CFAP44: variants seen among roughly 807,000 people sequenced by gnomAD.
The protein encoded by CFAP44 is cilia- and flagella-associated protein 44.
CFAP44 carries 134 observed loss-of-function variants against 216.2 expected under a neutral mutation model. The ratio of observed to expected loss-of-function variants is 0.62; its 90% CI spans 0.54 to 0.72. CFAP44 has a LOEUF of 0.72. Among genes scored for constraint, CFAP44 ranks in the 30% least tolerant of loss-of-function variants. The probability of loss-of-function intolerance (pLI) is 0.00; values close to 1 mark genes in which losing one functional copy is unlikely to be tolerated. For missense variants in CFAP44, 2,035 were observed against 2,182.1 expected, an observed-to-expected ratio of 0.93 and a Z score of 1.34; for synonymous variants, 700 against 727.6, an observed-to-expected ratio of 0.96 and a Z score of 0.61.
At position 113,416,607 on chromosome 3, in the gene CFAP44, A is replaced by G. The variant is rs1217869981; in HGVS notation, c.591T>C (p.Tyr197=). The G allele has an allele frequency of 5.0e-6, 8 of 1,610,866 alleles. No individual in the cohort carries two copies. The highest frequency in any genetic ancestry group is 2.2e-5 in the South Asian group (2 of 90,736). Residue 197 remains tyrosine (Y), a synonymous_variant, in exon 6 of 35, where the codon TAT becomes TAC. Coordinates refer to ENST00000393845, the MANE Select transcript of CFAP44 (RefSeq NM_001164496.2). ...GVIGVHPHKT[Y]FTVAEKGSFP... ...AACTCCCTTTTTCAGCTACTGTGAA[A>G]TAAGTTTTATGTGGATGAACCTACA...
At chr3:113,338,549 AT>A (rs113738948) in intron 24 of CFAP44, among the ~76,000 whole-genome samples, 64 of 150,148 alleles carry the variant, frequency 4.3e-4, no homozygotes, top group Non-Finnish European at 5.6e-4. Flanking sequence ...CTCATACCAG[AT>A]TTTTTTTTTA....
At position 113,401,698 on chromosome 3, in the gene CFAP44, A is replaced by T. The variant is rs200541138; in HGVS notation, c.1212T>A (p.Asp404Glu). 2 of 1,613,412 alleles carry T rather than the reference A, an allele frequency of 1.2e-6. No homozygotes were observed. The highest frequency in any genetic ancestry group is 1.7e-5 in the Admixed American group (1 of 59,966). ...FETIDTADVI[D>E]ETGLLEIEPI... ...GCTCAATCTCCAACAATCCAGTCTC[A>T]TCTATTACATCAGCAGTGTCTATTG... The change falls in exon 10 of 35, where the codon GAT becomes GAA. Residue 404 changes from aspartate to glutamate, a missense_variant. By Grantham distance (45) the Asp-to-Glu change is conservative (BLOSUM62 2). Transcript: ENST00000393845.
chr3:113,393,751 G>A lies in CFAP44; in HGVS notation c.1890+1999C>T, dbSNP rs145876815. ...AGCTTGTCTCAACTGCTGCACTCAAGTGATCTACTTGCCTTGGCCTCCCAA... is the reference window on the plus strand; with the variant it reads ...AGCTTGTCTCAACTGCTGCACTCAAATGATCTACTTGCCTTGGCCTCCCAA... On this transcript the variant is annotated intron_variant, in intron 15 of 34. Coordinates refer to ENST00000393845, the MANE Select transcript of CFAP44 (RefSeq NM_001164496.2). Among the ~76,000 whole-genome samples the A allele has an allele frequency of 1.1e-3, 172 of 152,282 alleles. 1 individual carries two copies. The highest frequency in any genetic ancestry group is 3.1e-3 in the African/African-American group (130 of 41,552).
At position 113,396,860 on chromosome 3, in the gene CFAP44, G is replaced by C. The variant is rs377114273; in HGVS notation, c.1570-133C>G. 2.0e-5 allele frequency: 17 copies of C among 844,542 alleles called. No individual in the cohort carries two copies. In the East Asian group the frequency reaches 2.9e-4, roughly 15 times the overall value. The allele number at this position is 844,542 out of a possible 1,614,324, so 52.3% of individuals were successfully genotyped here. On this transcript the variant is annotated intron_variant, in intron 13 of 34. Coordinates refer to ENST00000393845, the MANE Select transcript of CFAP44 (RefSeq NM_001164496.2). Reference sequence around the variant, plus strand: ...TTGGCAATTCTTTATATCACTTTCTGGTAACCTCTATCCATTCCAGCATAG... The same window carrying C: ...TTGGCAATTCTTTATATCACTTTCTCGTAACCTCTATCCATTCCAGCATAG...
chr3:113,357,688 C>T, intron 22 of CFAP44, among the ~76,000 whole-genome samples: 1 of 152,182 alleles, frequency 6.6e-6, no homozygotes, highest in Non-Finnish European at 1.5e-5. Flanking sequence ...AGCCCTAAGA[C>T]ACTAACACAG....
At chr3:113,329,213 T>C (rs543322315) in intron 26 of CFAP44, among the ~76,000 whole-genome samples, 3 of 152,324 alleles carry the variant, frequency 2.0e-5, no homozygotes, top group Non-Finnish European at 4.4e-5. Context: ...AGATGCTTAT[T>C]ACAGGTGCAA....
intron 28 of CFAP44, among the ~76,000 whole-genome samples, chr3:113,318,129 C>G (rs1950105782): frequency 6.6e-6 from 1 of 152,002 alleles, no homozygotes; most frequent in Admixed American, 6.6e-5. Context: ...CATCAAGATT[C>G]AGGAGATAGT....
rs1304027926 is a variant in CFAP44 at position 113,344,567 on chromosome 3, C to G, written c.3211G>C (p.Asp1071His). The change falls in exon 23 of 35, where the codon GAC becomes CAC. Residue 1071 changes from aspartate to histidine, a missense_variant. Around this residue, in one of 3 missense-constraint regions of CFAP44, gnomAD observed 1,883 missense variants for 2,023.7 expected, o/e 0.93. Transcript: ENST00000393845. ...CCAGGTCCCTCTTTTTCAAACCTGTCCAATTTGCTTGGTTTTCTCTCTGAT... is the reference window on the plus strand; with the variant it reads ...CCAGGTCCCTCTTTTTCAAACCTGTGCAATTTGCTTGGTTTTCTCTCTGAT... ...SQSERKPSKL[D>H]RFEKEGPGRK... The G allele has an allele frequency of 6.5e-7, 1 of 1,536,962 alleles. No homozygotes were observed. The highest frequency in any genetic ancestry group is 8.7e-7 in the Non-Finnish European group (1 of 1,146,848).
At position 113,287,332 on chromosome 3, in the gene CFAP44, C is replaced by A. The variant is rs753130819; in HGVS notation, c.*4225G>T. 6 of 293,590 alleles carry A rather than the reference C, an allele frequency of 2.0e-5. No homozygotes were observed. Among genetic ancestry groups the A allele is most frequent in the South Asian group, 6.2e-5 (2 of 32,094 alleles). The allele number at this position is 293,590 out of a possible 1,614,324, so 18.2% of individuals were successfully genotyped here. On this transcript the variant is annotated 3_prime_UTR_variant, in exon 35 of 35. Coordinates refer to ENST00000393845, the MANE Select transcript of CFAP44 (RefSeq NM_001164496.2). Reference sequence around the variant, plus strand: ...TTCCTAAGATGCCCATGAGAACAGACCAAGATGTGTACAGCACTATGAGCA... The same window carrying A: ...TTCCTAAGATGCCCATGAGAACAGAACAAGATGTGTACAGCACTATGAGCA...
intron 15 of CFAP44, among the ~76,000 whole-genome samples, chr3:113,392,740 C>G (rs1464923913): frequency 6.6e-6 from 1 of 152,102 alleles, no homozygotes; most frequent in Non-Finnish European, 1.5e-5. Context: ...GAATAACTCT[C>G]AAGATTCTGG....
chr3:113,416,627 C>A lies in CFAP44; in HGVS notation c.571G>T (p.Val191Phe). ...SSGEGIGVIG[V>F]HPHKTYFTVA... ...GTGAAATAAGTTTTATGTGGATGAA[C>A]CTACAAAAGATAAAATTTCACCAAA... Residue 191 changes from valine (V) to phenylalanine (F), a missense_variant and splice_region_variant, in exon 6 of 35, where the codon GTT becomes TTT. Val to Phe is a conservative substitution (Grantham distance 50, BLOSUM62 -1). This residue lies in a region of CFAP44 where 1,883 missense variants were observed against 2,023.7 expected (regional missense o/e 0.93). Transcript: ENST00000393845. 1 of 1,589,674 alleles carries A rather than the reference C, an allele frequency of 6.3e-7. No individual in the cohort carries two copies.
At chr3:113,305,886 G>T (rs1252697617) in intron 30 of CFAP44, among the ~76,000 whole-genome samples, 1 of 151,968 alleles carries the variant, frequency 6.6e-6, no homozygotes, top group Admixed American at 6.5e-5. Context: ...TATTGTACAA[G>T]ATACATAATA....
chr3:113,310,745 C>A (rs1022626690), intron 28 of CFAP44, among the ~76,000 whole-genome samples: 12 of 152,172 alleles, frequency 7.9e-5, no homozygotes, highest in Non-Finnish European at 1.5e-5. Context: ...TTAGCACCAT[C>A]CCCTCAGTGC....
rs1211358377 is a variant in CFAP44 at position 113,308,277 on chromosome 3, A to C, written c.4517-9T>G. 6.6e-7 allele frequency: 1 copy of C among 1,515,808 alleles called. No individual in the cohort carries two copies. The highest frequency in any genetic ancestry group is 2.2e-5 in the Admixed American group (1 of 45,696). The allele number at this position is 1,515,808 out of a possible 1,614,324, so 93.9% of individuals were successfully genotyped here. ...ACTCTCCTCATCTTCATCTATGGAA[A>C]GAGGAGGGCATTGTTAACAAAGAAG... On this transcript the variant is annotated splice_polypyrimidine_tract_variant and intron_variant, in intron 28 of 34. Coordinates refer to ENST00000393845, the MANE Select transcript of CFAP44 (RefSeq NM_001164496.2).
chr3:113,410,736 A>G (rs1410731929), intron 6 of CFAP44, among the ~76,000 whole-genome samples: 1 of 152,198 alleles, frequency 6.6e-6, no homozygotes. Flanking sequence ...GTCTTCCACA[A>G]TGGTTGAACT....
Position 113,401,753 on chromosome 3 carries a change from A to G in CFAP44, c.1171-14T>C, listed in dbSNP as rs1202917517. 3 of 1,589,196 alleles carry G rather than the reference A, an allele frequency of 1.9e-6. No homozygotes were observed. The highest frequency in any genetic ancestry group is 1.8e-5 in the Admixed American group (1 of 54,310). ...AAAATCCCATATCTTGTAAAATGAA[A>G]AGAAAATACTTTAATCGATCAGTAG... On this transcript the variant is annotated splice_polypyrimidine_tract_variant and intron_variant, in intron 9 of 34. Transcript: ENST00000393845.
chr3:113,407,437 T>C (rs943078016), intron 7 of CFAP44, among the ~76,000 whole-genome samples: 4 of 152,230 alleles, frequency 2.6e-5, no homozygotes, highest in African/African-American at 9.6e-5. Flanking sequence ...TGGCAGCTAT[T>C]GTATTAGACA....
chr3:113,320,899 A>G (rs1950140822), intron 28 of CFAP44, among the ~76,000 whole-genome samples: 1 of 152,110 alleles, frequency 6.6e-6, no homozygotes, highest in Non-Finnish European at 1.5e-5. Context: ...CACTGACTCA[A>G]AAGTTAATCT....
intron 25 of CFAP44, among the ~76,000 whole-genome samples, chr3:113,332,869 T>A (rs778697600): frequency 2.2e-4 from 34 of 152,210 alleles, no homozygotes; most frequent in South Asian, 6.2e-4. Context: ...AAAAACTACA[T>A]CCAATGAGGA....
Sources: gnomAD v4.1 joint callset for allele counts (sites outside exome capture counted in the v4.1 genomes callset) on GRCh38, gnomAD v4.1.1 for gene constraint, gnomAD v4.1.1 regional missense constraint, MANE v1.5 for transcripts, NCBI Gene and HGNC (gene_info 2026-07-23, HGNC 2026-07-21) for gene names.